The following ITPR3 variants were observed in gnomAD, a reference collection of about 807,000 sequenced individuals.
ITPR3 encodes the protein inositol 1,4,5-trisphosphate receptor type 3.
A neutral mutation model predicts 293.2 loss-of-function variants in ITPR3; 173 were observed. The ratio of observed to expected loss-of-function variants is 0.59; its 90% CI spans 0.52 to 0.67. The LOEUF (loss-of-function observed/expected upper bound fraction) is 0.67. Ranked by LOEUF, ITPR3 falls within the 30% of genes least tolerant of loss-of-function variation. ITPR3 has a pLI of 0.00. For synonymous variants in ITPR3, 1,295 were observed against 1,444.4 expected, an observed-to-expected ratio of 0.90 and a Z score of 2.35; for missense variants, 2,796 against 3,592.1, an observed-to-expected ratio of 0.78 and a Z score of 5.66.
chr6:33,656,004 T>C, intron 3 of ITPR3, 117 bp downstream of exon 3: 3 of 1,339,682 alleles, frequency 2.2e-6, no homozygotes, highest in Non-Finnish European at 3.1e-6. Context: ...GAGTGGTTTC[T>C]AAAACTCGTA....
intron 18 of ITPR3, 127 bp downstream of exon 18, chr6:33,669,283 G>C: frequency 1.1e-6 from 1 of 947,114 alleles, no homozygotes; most frequent in Non-Finnish European, 1.5e-6. Flanking sequence ...CCTCAGAAGC[G>C]GAGTCCCTGC....
intron 1 of ITPR3, among the ~76,000 whole-genome samples, chr6:33,639,656 A>G (rs141661666): frequency 0.018 from 2,701 of 152,074 alleles, 74 homozygotes; most frequent in African/African-American, 0.059. Flanking sequence ...AGTGGCATTG[A>G]CAAATTTTAA....
rs1582092187 is a variant in ITPR3, at chr6:33,624,128, C to A, written c.89+2437C>A. Among the ~76,000 whole-genome samples the A allele has an allele frequency of 6.6e-6, 1 of 152,348 alleles. No homozygotes were observed. Among genetic ancestry groups the A allele is most frequent in the East Asian group, 1.9e-4 (1 of 5,188 alleles). On this transcript the variant is annotated intron_variant, in intron 1 of 57. Coordinates refer to ENST00000605930, the MANE Select transcript of ITPR3 (RefSeq NM_002224.4). This position sits in a 1 kb window ranked among gnomAD's most constrained non-coding sequence, Gnocchi z 4.7. Reference sequence around the variant, plus strand: ...TGCAAAGTGGCCTCTTTTGAGAAATCCAGCTTCCCCAACCCCTAGGGCAGA... The same window carrying A: ...TGCAAAGTGGCCTCTTTTGAGAAATACAGCTTCCCCAACCCCTAGGGCAGA...
At position 33,655,642 on chromosome 6, in the gene ITPR3, C is replaced by T. The variant is rs1764287645; in HGVS notation, c.161-124C>T. The T allele has an allele frequency of 1.6e-6, 2 of 1,282,188 alleles. No homozygotes were observed. Among genetic ancestry groups the T allele is most frequent in the East Asian group, 2.5e-5 (1 of 40,238 alleles). 79.4% of individuals were successfully genotyped at this position (1,282,188 alleles called of 1,614,324 possible). On this transcript the variant is annotated intron_variant, in intron 2 of 57. Coordinates refer to ENST00000605930, the MANE Select transcript of ITPR3 (RefSeq NM_002224.4). This position sits in a 1 kb window ranked among gnomAD's most constrained non-coding sequence, Gnocchi z 4.9. ...GTTCTTCCAACCGCTTCCTCTCTACCTGCAGCGGGGAACGGGGGTGGGGAA... is the reference window on the plus strand; with the variant it reads ...GTTCTTCCAACCGCTTCCTCTCTACTTGCAGCGGGGAACGGGGGTGGGGAA...
At chr6:33,636,010 G>A (rs919911149) in intron 1 of ITPR3, among the ~76,000 whole-genome samples, 1 of 151,766 alleles carries the variant, frequency 6.6e-6, no homozygotes, top group Non-Finnish European at 1.5e-5. Context: ...CCCCTGGCCG[G>A]GTTCGGTGGC....
At chr6:33,647,827 C>T (rs948579436) in intron 2 of ITPR3, among the ~76,000 whole-genome samples, 4 of 152,118 alleles carry the variant, frequency 2.6e-5, no homozygotes, top group African/African-American at 9.7e-5. Flanking sequence ...CAAAGACCCT[C>T]TTCTGTGGTC....
In ITPR3 at chr6:33,682,372, A is replaced by G. The variant is rs374924588; in HGVS notation, c.4477-152A>G. The G allele has an allele frequency of 1.2e-4, 106 of 865,510 alleles. 2 individuals are homozygous for G. In the South Asian group the frequency reaches 1.3e-3, roughly 11 times the overall value. 53.6% of individuals were successfully genotyped at this position (865,510 alleles called of 1,614,324 possible). ...GTGCACTGCTGAAGGGAATACAAGT[A>G]CCTTTTTCCAACTGGCACAGAGGCA... On this transcript the variant is annotated intron_variant, in intron 33 of 57. Transcript: ENST00000605930. The surrounding 1 kb of genome is among the most constrained non-coding windows in gnomAD (Gnocchi z 5.4).
Position 33,683,358 on chromosome 6 carries a change from C to T in ITPR3, c.4749C>T (p.Ala1583=), listed in dbSNP as rs1765134019. The change falls in exon 35 of 58, where the codon GCC becomes GCT. Residue 1583 remains alanine, a synonymous_variant. Transcript: ENST00000605930. This position sits in a 1 kb window ranked among gnomAD's most constrained non-coding sequence, Gnocchi z 4.5. The part of the protein sequence containing the change: ...TRAFPRVTPT[A]NQWDYKNIIE... ...CCTTCCCCCGCGTCACCCCCACCGC[C>T]AACCAGTGGGACTACAAGAACATCA... The T allele has an allele frequency of 1.3e-6, 2 of 1,595,532 alleles. No homozygotes were observed. Among genetic ancestry groups the T allele is most frequent in the East Asian group, 2.3e-5 (1 of 44,180 alleles).
Position 33,667,339 on chromosome 6 carries a change from C to A in ITPR3, c.1713+49C>A. On this transcript the variant is annotated intron_variant, in intron 15 of 57. Transcript: ENST00000605930. The surrounding 1 kb of genome is among the most constrained non-coding windows in gnomAD (Gnocchi z 4.4). ...ACTCGCTGGCTGCACGTTCCTTCCT[C>A]AGCAAGCGATTTCCTCAGGCACATG... 1 of 1,577,606 alleles carries A rather than the reference C, an allele frequency of 6.3e-7. No individual in the cohort carries two copies. Among genetic ancestry groups the A allele is most frequent in the South Asian group, 1.2e-5 (1 of 86,654 alleles).
At position 33,672,269 on chromosome 6, in the gene ITPR3, G is replaced by A. The variant is rs1764789774; in HGVS notation, c.2928+41G>A. On this transcript the variant is annotated intron_variant, in intron 22 of 57. Transcript: ENST00000605930. The surrounding 1 kb of genome is among the most constrained non-coding windows in gnomAD (Gnocchi z 5.0). ...CCGTGTGGGAGGTGTTGGGTATAGG[G>A]GGAGGGTAATGGGGCGGGTACAGGG... 1 of 1,571,380 alleles carries A rather than the reference G, an allele frequency of 6.4e-7. No individual in the cohort carries two copies. Among genetic ancestry groups the A allele is most frequent in the Non-Finnish European group, 8.7e-7 (1 of 1,143,974 alleles).
chr6:33,665,045 CT>C lies in ITPR3; in HGVS notation c.1249-7del. 6.2e-7 allele frequency: 1 copy of C among 1,613,742 alleles called. No individual in the cohort carries two copies. Among genetic ancestry groups the C allele is most frequent in the South Asian group, 1.1e-5 (1 of 91,082 alleles). On this transcript the variant is annotated splice_region_variant and splice_polypyrimidine_tract_variant and intron_variant, in intron 12 of 57. Transcript: ENST00000605930. ...TCCCAGGTGCCCTGCTGACCCCTGT[CT>C]CTGCAGCTGGGCACCTGCCCCACCA...
At chr6:33,631,956 T>C (rs1437256412) in intron 1 of ITPR3, among the ~76,000 whole-genome samples, 1 of 152,246 alleles carries the variant, frequency 6.6e-6, no homozygotes, top group Non-Finnish European at 1.5e-5. Flanking sequence ...TATTAAAAGC[T>C]AAAGATTAAT....
chr6:33,685,599 C>T (rs1375491120), intron 40 of ITPR3, 44 bp from the exon 41 acceptor site: 23 of 1,588,336 alleles, frequency 1.4e-5, no homozygotes, highest in Non-Finnish European at 1.8e-5. Flanking sequence ...AGGGGGGTGG[C>T]CAAGGGGGTG....
intron 1 of ITPR3, among the ~76,000 whole-genome samples, chr6:33,639,498 T>G (rs1042999428): frequency 6.6e-6 from 1 of 152,026 alleles, no homozygotes; most frequent in Non-Finnish European, 1.5e-5. Flanking sequence ...ATATTCAGAT[T>G]CGGTTTTCTC....
In ITPR3 at chr6:33,685,505, C is replaced by A; in HGVS notation, c.5454C>A (p.Asp1818Glu). 6.2e-7 allele frequency: 1 copy of A among 1,612,868 alleles called. No homozygotes were observed. Among genetic ancestry groups the A allele is most frequent in the Non-Finnish European group, 8.5e-7 (1 of 1,179,592 alleles). Residue 1818 changes from aspartate (D) to glutamate (E), a missense_variant, in exon 40 of 58, where the codon GAC becomes GAA. Around this residue, in one of 8 missense-constraint regions of ITPR3, gnomAD observed 704 missense variants for 797.5 expected, o/e 0.88. Coordinates refer to ENST00000605930, the MANE Select transcript of ITPR3 (RefSeq NM_002224.4). Reference protein sequence around the residue: ...MNDLGSQPHEDREPVDPTTKG... With the variant: ...MNDLGSQPHEEREPVDPTTKG... ...ACCTGGGCAGCCAGCCACATGAGGA[C>A]CGCGAGCCAGTCGACCCCACCACCA...
intron 22 of ITPR3, among the ~76,000 whole-genome samples, chr6:33,673,167 G>A (rs1434681097): frequency 6.6e-6 from 1 of 152,198 alleles, no homozygotes; most frequent in Non-Finnish European, 1.5e-5. Flanking sequence ...CTCCCTCACA[G>A]GCCTCAGTTT....
At chr6:33,646,452 C>T (rs1764069389) in intron 2 of ITPR3, among the ~76,000 whole-genome samples, 1 of 144,704 alleles carries the variant, frequency 6.9e-6, no homozygotes, top group Non-Finnish European at 1.5e-5. Flanking sequence ...TCTGCAAATA[C>T]AAACATATAT....
chr6:33,673,879 C>G (rs966642624), intron 23 of ITPR3, among the ~76,000 whole-genome samples, 159 bp downstream of exon 23: 3 of 152,236 alleles, frequency 2.0e-5, no homozygotes, highest in African/African-American at 7.2e-5. Context: ...GGGGGAAGGG[C>G]AGGGATCCTT....
rs61051880 is a variant in ITPR3, at chr6:33,695,629, G to A, written c.7948-83G>A. The stretch of plus-strand genomic sequence containing the variant: ...AGCAGCTGGGCCCACAGGGGAAGAC[G>A]GGTGCCAAGCTCTTCCACAGCACCC... On this transcript the variant is annotated intron_variant, in intron 57 of 57. Transcript: ENST00000605930. The A allele has an allele frequency of 3.3e-5, 45 of 1,373,320 alleles. No individual in the cohort carries two copies. In the East Asian group the frequency reaches 8.1e-4, roughly 25 times the overall value. 85.1% of individuals were successfully genotyped at this position (1,373,320 alleles called of 1,614,324 possible).
Sources: allele counts gnomAD v4.1 joint callset (sites outside exome capture counted in the v4.1 genomes callset), GRCh38; gene constraint gnomAD v4.1.1; regional missense constraint gnomAD v4.1.1; non-coding constraint Gnocchi (gnomAD v3.1); transcripts MANE v1.5; gene names NCBI Gene and HGNC (gene_info 2026-07-23, HGNC 2026-07-21).